The following DYNC2LI1 variants were observed in gnomAD, a reference collection of about 807,000 sequenced individuals.
DYNC2LI1 encodes the protein cytoplasmic dynein 2 light intermediate chain 1.
A neutral mutation model predicts 51.9 loss-of-function variants in DYNC2LI1; 45 were observed. The ratio of observed to expected loss-of-function variants is 0.87; its 90% CI spans 0.68 to 1.11. The LOEUF is 1.11. DYNC2LI1 is among the 50% of genes most tolerant of loss of function. The pLI, the probability that DYNC2LI1 is intolerant of heterozygous loss-of-function variation, is 0.00. For missense variants in DYNC2LI1, 490 were observed against 417.4 expected, an observed-to-expected ratio of 1.17 and a Z score of -1.51; for synonymous variants, 130 against 137.8, an observed-to-expected ratio of 0.94 and a Z score of 0.40.
At chr2:43,786,987 C>T (rs978024963) in intron 3 of DYNC2LI1, among the ~76,000 whole-genome samples, 194 bp from the exon 4 acceptor site, 2 of 152,202 alleles carry the variant, frequency 1.3e-5, no homozygotes, top group Non-Finnish European at 2.9e-5. Flanking sequence ...CATGCATGTG[C>T]TGTTAAAATC....
In DYNC2LI1 at chr2:43,809,719, C is replaced by T; in HGVS notation, c.1008C>T (p.Tyr336=). Residue 336 remains tyrosine (Y), a synonymous_variant, in exon 13 of 13, where the codon TAC becomes TAT. Coordinates refer to ENST00000260605, the MANE Select transcript of DYNC2LI1 (RefSeq NM_016008.4). ...RIQKDLELEQ[Y]KRSSSKSWKQ... is the part of the protein sequence containing the mutation. The stretch of plus-strand genomic sequence containing the variant: ...TTTTGTTTTAGGAACTGGAACAGTA[C>T]AAAAGAAGTTCTTCCAAGTCTTGGA... The T allele has an allele frequency of 6.2e-7, 1 of 1,611,780 alleles. No individual in the cohort carries two copies. Among genetic ancestry groups the T allele is most frequent in the South Asian group, 1.1e-5 (1 of 90,698 alleles).
chr2:43,814,020 T>G (rs1191047177), downstream of DYNC2LI1, among the ~76,000 whole-genome samples: 1 of 152,046 alleles, frequency 6.6e-6, no homozygotes, highest in Non-Finnish European at 1.5e-5. Context: ...CCGGCCACCC[T>G]GAGATTTCTA....
chr2:43,824,405 C>G, the DYNC2LI1 span: 13 of 1,614,098 alleles, frequency 8.1e-6, no homozygotes, highest in South Asian at 1.1e-4. Flanking sequence ...CCGTTCCTTG[C>G]TTTGGGTATC....
At position 43,783,561 on chromosome 2, in the gene DYNC2LI1, G is replaced by A; in HGVS notation, c.161+7G>A. On this transcript the variant is annotated splice_region_variant and intron_variant, in intron 3 of 12. Transcript: ENST00000260605. The stretch of plus-strand genomic sequence containing the variant: ...TTCTAAGGTGTCTTGACAGGTAAGT[G>A]TTATGTTAACCTTTAAACTATATTT... 4 of 1,516,306 alleles carry A rather than the reference G, an allele frequency of 2.6e-6. No homozygotes were observed. The highest frequency in any genetic ancestry group is 3.5e-6 in the Non-Finnish European group (4 of 1,133,298). The allele number at this position is 1,516,306 out of a possible 1,614,324, so 93.9% of individuals were successfully genotyped here. A position where few individuals can be genotyped will look rare whatever the true frequency, so the allele number is the denominator to read the frequency against.
chr2:43,813,083 G>A (rs1666564946), downstream of DYNC2LI1: 1 of 876,288 alleles, frequency 1.1e-6, no homozygotes, highest in Non-Finnish European at 2.0e-6. Context: ...ACAGTCGGCA[G>A]CTTCACTTCC....
chr2:43,810,470 T>C, downstream of DYNC2LI1: 2 of 985,436 alleles, frequency 2.0e-6, no homozygotes, highest in Non-Finnish European at 2.4e-6. Flanking sequence ...GGATAGCCTT[T>C]AAGAAGCCAT....
chr2:43,823,073 G>A, the DYNC2LI1 span: 1 of 1,144,104 alleles, frequency 8.7e-7, no homozygotes, highest in Admixed American at 2.0e-5. Flanking sequence ...CATAGAAGGA[G>A]GGGACCTGCC....
chr2:43,783,462 A>G, intron 2 of DYNC2LI1, 58 bp from the exon 3 acceptor site: 1 of 1,291,058 alleles, frequency 7.7e-7, no homozygotes, highest in Non-Finnish European at 1.1e-6. Context: ...ACGAACAATA[A>G]TACAATTTTT....
chr2:43,785,938 TA>T (rs1043820363), intron 3 of DYNC2LI1, among the ~76,000 whole-genome samples: 4 of 152,012 alleles, frequency 2.6e-5, no homozygotes, highest in Non-Finnish European at 4.4e-5. Context: ...ATTGTACACT[TA>T]AAAATAGGTA....
At chr2:43,824,515 T>G in the DYNC2LI1 span, 60 of 1,597,674 alleles carry the variant, frequency 3.8e-5, no homozygotes, top group Non-Finnish European at 4.8e-5. Context: ...ACAGGAGTAC[T>G]GGCCATAATA....
chr2:43,775,847 C>T, intron 1 of DYNC2LI1: 1 of 166,894 alleles, frequency 6.0e-6, no homozygotes. Context: ...GCCACCACAC[C>T]TGGCCAATTT....
the DYNC2LI1 span, among the ~76,000 whole-genome samples, chr2:43,815,575 G>A: frequency 5.3e-5 from 8 of 152,320 alleles, no homozygotes; most frequent in East Asian, 1.4e-3. Context: ...ACCACATTGA[G>A]AGGTTGCTAA....
chr2:43,800,980 C>CCTGT, intron 9 of DYNC2LI1, 63 bp downstream of exon 9: 1 of 1,133,144 alleles, frequency 8.8e-7, no homozygotes, highest in South Asian at 1.6e-5. Context: ...GTTGTCTCAT[C>CCTGT]TGATTATTGT....
downstream of DYNC2LI1, chr2:43,813,129 A>C (rs140511481): frequency 3.1e-6 from 4 of 1,270,476 alleles, no homozygotes; most frequent in Non-Finnish European, 2.3e-6. Flanking sequence ...CCTGCTAATG[A>C]GATGATCCCT....
chr2:43,783,487 T>A, intron 2 of DYNC2LI1, 33 bp from the exon 3 acceptor site: 1 of 1,490,702 alleles, frequency 6.7e-7, no homozygotes. Context: ...ATGAGTGACA[T>A]TAACGCAGTG....
chr2:43,785,396 C>A (rs567627708), intron 3 of DYNC2LI1, among the ~76,000 whole-genome samples: 9 of 151,942 alleles, frequency 5.9e-5, no homozygotes, highest in Admixed American at 1.3e-4. Flanking sequence ...CATGGATGAA[C>A]CTTGAGGCAT....
chr2:43,802,693 C>T (rs747698648), intron 10 of DYNC2LI1, among the ~76,000 whole-genome samples: 67 of 152,134 alleles, frequency 4.4e-4, no homozygotes, highest in African/African-American at 1.4e-3. Context: ...TAGATCTCAT[C>T]GGAATTAAAA....
chr2:43,822,886 G>C, the DYNC2LI1 span: 4 of 1,614,006 alleles, frequency 2.5e-6, no homozygotes, highest in Non-Finnish European at 3.4e-6. Context: ...GCCACTTCTG[G>C]TAGAGGCCGT....
chr2:43,780,886 T>C (rs1029724596), intron 2 of DYNC2LI1, among the ~76,000 whole-genome samples: 2 of 152,128 alleles, frequency 1.3e-5, no homozygotes, highest in African/African-American at 4.8e-5. Context: ...AGGTCAATGT[T>C]TCTTGAATTA....
Sources: gnomAD v4.1 joint callset for allele counts (sites outside exome capture counted in the v4.1 genomes callset) on GRCh38, gnomAD v4.1.1 for gene constraint, MANE v1.5 for transcripts, NCBI Gene and HGNC (gene_info 2026-07-23, HGNC 2026-07-21) for gene names.